SYMPK: variants seen among roughly 807,000 people sequenced by gnomAD.
SYMPK encodes symplekin.
SYMPK carries 49 observed loss-of-function variants against 136.4 expected under a neutral mutation model. That is an observed-to-expected ratio of 0.36 (90% CI 0.29 to 0.46). SYMPK has a LOEUF of 0.46. Among genes scored for constraint, SYMPK ranks in the 20% least tolerant of loss-of-function variants. SYMPK has a pLI of 1.00. For missense variants in SYMPK, 1,365 were observed against 1,690.0 expected (o/e 0.81, Z 3.37); for synonymous variants, 766 against 713.0 (o/e 1.07, Z -1.19).
chr19:45,860,064 G>A (rs1379912514), intron 1 of SYMPK, among the ~76,000 whole-genome samples: 1 of 150,528 alleles, frequency 6.6e-6, no homozygotes, highest in Admixed American at 6.6e-5. Context: ...TGGTTGTAGT[G>A]AAGTATGATT....
intron 15 of SYMPK, 57 bp downstream of exon 15, chr19:45,827,780 C>G: frequency 6.3e-7 from 1 of 1,578,794 alleles, no homozygotes; most frequent in Non-Finnish European, 8.7e-7. Flanking sequence ...CTTCAGACCC[C>G]TCAGGGCAGG....
chr19:45,857,560 T>C (rs765732176), intron 1 of SYMPK, among the ~76,000 whole-genome samples: 3 of 150,108 alleles, frequency 2.0e-5, no homozygotes, highest in Non-Finnish European at 4.4e-5. Flanking sequence ...GGCGTGATCG[T>C]GGCTCACTGC....
intron 19 of SYMPK, 60 bp downstream of exon 19, chr19:45,823,707 G>T: frequency 6.9e-7 from 1 of 1,454,860 alleles, no homozygotes; most frequent in East Asian, 2.3e-5. Context: ...GATCCCCAGG[G>T]CCCGGGGAAG....
At chr19:45,816,725 A>G in intron 24 of SYMPK, 73 bp downstream of exon 24, 1 of 1,482,240 alleles carries the variant, frequency 6.7e-7, no homozygotes, top group South Asian at 1.3e-5. Flanking sequence ...CCCACCAACC[A>G]GAGGGACCCA....
intron 11 of SYMPK, among the ~76,000 whole-genome samples, chr19:45,833,936 G>A (rs1971242471): frequency 6.6e-6 from 1 of 152,182 alleles, no homozygotes; most frequent in South Asian, 2.1e-4. Context: ...CGGATCACAA[G>A]GTCAGGAGAT....
At position 45,821,287 on chromosome 19, in the gene SYMPK, T is replaced by C; in HGVS notation, c.2893+97A>G. The C allele has an allele frequency of 4.3e-6, 4 of 934,732 alleles. No homozygotes were observed. The highest frequency in any genetic ancestry group is 7.0e-6 in the Non-Finnish European group (4 of 573,228). 57.9% of individuals were successfully genotyped at this position (934,732 alleles called of 1,614,324 possible). ...GAGGTGGGGCTGTGAGTGACAGTCT[T>C]TGACTTGGCAGATTCCAGTGGGGGC... On this transcript the variant is annotated intron_variant, in intron 22 of 26. Coordinates refer to ENST00000245934, the MANE Select transcript of SYMPK (RefSeq NM_004819.3). This position sits in a 1 kb window ranked among gnomAD's most constrained non-coding sequence, Gnocchi z 4.4.
chr19:45,823,458 C>T lies in SYMPK; in HGVS notation c.2614G>A (p.Glu872Lys), dbSNP rs1362156007. ...AGATCCCGGACCCGCTTCACCAGCTCTGGGGAGGGTGGGACTGCATGGAAG... is the reference window on the plus strand; with the variant it reads ...AGATCCCGGACCCGCTTCACCAGCTTTGGGGAGGGTGGGACTGCATGGAAG... ...SLTDKVPPSP[E>K]LVKRVRDLYH... is the part of the protein sequence containing the mutation. The change falls in exon 20 of 27, where the codon GAG becomes AAG. Residue 872 changes from glutamate to lysine, a missense_variant. By Grantham distance (56) the Glu-to-Lys change is moderately conservative (BLOSUM62 1). Around this residue, in one of 11 missense-constraint regions of SYMPK, gnomAD observed 92 missense variants for 198.6 expected, o/e 0.46. Transcript: ENST00000245934. 6.2e-7 allele frequency: 1 copy of T among 1,613,882 alleles called. No homozygotes were observed. The highest frequency in any genetic ancestry group is 1.7e-5 in the Admixed American group (1 of 60,016).
Position 45,842,329 on chromosome 19 carries a change from G to A in SYMPK, c.1008C>T (p.Ala336=), listed in dbSNP as rs780527278. The A allele has an allele frequency of 6.2e-7, 1 of 1,614,208 alleles. No homozygotes were observed. The highest frequency in any genetic ancestry group is 2.2e-5 in the East Asian group (1 of 44,886). ...VDLGTPQAEI[A]RNMPSSKDTR... ...TGTCCTTGCTGCTCGGCATGTTGCG[G>A]GCGATCTCGGCCTGAGGTGTGCCCA... Residue 336 remains alanine, a synonymous_variant, in exon 9 of 27, where the codon GCC becomes GCT. Transcript: ENST00000245934.
chr19:45,837,560 T>A (rs1026267732), intron 10 of SYMPK, among the ~76,000 whole-genome samples: 2 of 135,664 alleles, frequency 1.5e-5, no homozygotes, highest in African/African-American at 5.7e-5. Flanking sequence ...GAGATTACAG[T>A]GAGCTGAGAT....
At position 45,829,199 on chromosome 19, in the gene SYMPK, T is replaced by C. The variant is rs780848919; in HGVS notation, c.1756A>G (p.Ile586Val). ...VACSGAAQVRIKILASLVTQF... is the reference protein window; with the variant it reads ...VACSGAAQVRVKILASLVTQF... ...GTCACCAGGCTGGCCAGGATCTTTA[T>C]GCGGACCTGGTGGGAGGGTGAGCCA... Residue 586 changes from isoleucine (I) to valine (V), a missense_variant, in exon 14 of 27, where the codon ATA becomes GTA. By Grantham distance (29) the Ile-to-Val change is conservative (BLOSUM62 3). Around this residue, in one of 11 missense-constraint regions of SYMPK, gnomAD observed 303 missense variants for 326.6 expected, o/e 0.93. Coordinates refer to ENST00000245934, the MANE Select transcript of SYMPK (RefSeq NM_004819.3). 6.2e-7 allele frequency: 1 copy of C among 1,613,038 alleles called. No individual in the cohort carries two copies. Among genetic ancestry groups the C allele is most frequent in the Non-Finnish European group, 8.5e-7 (1 of 1,179,158 alleles).
intron 1 of SYMPK, chr19:45,855,945 G>A (rs1971812349): frequency 6.6e-6 from 1 of 152,120 alleles, no homozygotes; most frequent in African/African-American, 2.4e-5. Flanking sequence ...CCTCCAGCCT[G>A]GGCAGCAGAG....
chr19:45,837,229 G>A (rs1009594682), intron 10 of SYMPK, among the ~76,000 whole-genome samples: 1 of 152,154 alleles, frequency 6.6e-6, no homozygotes, highest in African/African-American at 2.4e-5. Context: ...CAAACATATG[G>A]TATTTTATAC....
intron 5 of SYMPK, among the ~76,000 whole-genome samples, chr19:45,851,534 C>T (rs1015855807): frequency 1.3e-5 from 2 of 150,786 alleles, no homozygotes; most frequent in African/African-American, 2.4e-5. Context: ...GCCAAGATTG[C>T]GCCACTGTAC....
intron 10 of SYMPK, among the ~76,000 whole-genome samples, chr19:45,837,259 T>C (rs1020108257): frequency 6.6e-6 from 1 of 152,196 alleles, no homozygotes; most frequent in Non-Finnish European, 1.5e-5. Flanking sequence ...CAGGCATTTT[T>C]ATAAATGTTG....
In SYMPK at chr19:45,843,332, G is replaced by A. The variant is rs143103218; in HGVS notation, c.847+698C>T. On this transcript the variant is annotated intron_variant, in intron 8 of 26. Coordinates refer to ENST00000245934, the MANE Select transcript of SYMPK (RefSeq NM_004819.3). ...AGAAATGCAGATCCACGACCTGTACGCATTCATACCCCAACCCCAGACTTC... is the reference window on the plus strand; with the variant it reads ...AGAAATGCAGATCCACGACCTGTACACATTCATACCCCAACCCCAGACTTC... Among the ~76,000 whole-genome samples the A allele has an allele frequency of 2.6e-3, 398 of 152,224 alleles. 1 individual carries two copies. The highest frequency in any genetic ancestry group is 8.9e-3 in the African/African-American group (368 of 41,538).
At chr19:45,829,603 T>C (rs1224406305) in intron 13 of SYMPK, among the ~76,000 whole-genome samples, 1 of 152,134 alleles carries the variant, frequency 6.6e-6, no homozygotes, top group East Asian at 1.9e-4. Flanking sequence ...TATGTTCCTA[T>C]ACTACTGGCT....
chr19:45,854,812 G>C, intron 1 of SYMPK: 1 of 395,296 alleles, frequency 2.5e-6, no homozygotes, highest in Non-Finnish European at 4.8e-6. Context: ...CAGCCACCTT[G>C]CAGGTCTCCG....
intron 10 of SYMPK, among the ~76,000 whole-genome samples, chr19:45,836,628 C>A (rs1971307585): frequency 1.3e-5 from 2 of 150,776 alleles, no homozygotes; most frequent in East Asian, 4.0e-4. Context: ...AAGACTCTGT[C>A]TCAAAAAAAA....
chr19:45,825,072 T>G (rs570395069), intron 18 of SYMPK, 99 bp downstream of exon 18: 23 of 1,481,756 alleles, frequency 1.6e-5, no homozygotes, highest in Admixed American at 7.8e-5. Flanking sequence ...CCCTTCGGGC[T>G]TGGCACACTC....
Sources: allele counts gnomAD v4.1 joint callset (sites outside exome capture counted in the v4.1 genomes callset), GRCh38; gene constraint gnomAD v4.1.1; regional missense constraint gnomAD v4.1.1; non-coding constraint Gnocchi (gnomAD v3.1); transcripts MANE v1.5; gene names NCBI Gene and HGNC (gene_info 2026-07-23, HGNC 2026-07-21).